NALF1: variants seen among roughly 807,000 people sequenced by gnomAD.
NALF1 encodes the protein NALCN channel auxiliary factor 1, also known as family with sequence similarity 155 member A.
In NALF1, 3 loss-of-function variants were observed where a neutral mutation model predicts 48.4. The ratio of observed to expected loss-of-function variants is 0.06; its 90% CI spans 0.03 to 0.16. The LOEUF (loss-of-function observed/expected upper bound fraction) is 0.16, where lower values mean the gene tolerates loss of function less well. Ranked by LOEUF, NALF1 falls within the 10% of genes least tolerant of loss-of-function variation. The probability of loss-of-function intolerance (pLI) is 1.00; values close to 1 mark genes in which losing one functional copy is unlikely to be tolerated. For synonymous variants in NALF1, 262 were observed against 245.7 expected, an observed-to-expected ratio of 1.07 and a Z score of -0.62; for missense variants, 526 against 571.5, an observed-to-expected ratio of 0.92 and a Z score of 0.81.
At chr13:107,593,629 CTG>C (rs1463591762) in intron 1 of NALF1, among the ~76,000 whole-genome samples, 2 of 151,990 alleles carry the variant, frequency 1.3e-5, no homozygotes, top group Non-Finnish European at 2.9e-5. Context: ...AATTCCAACA[CTG>C]AGATCCTAGG....
At chr13:107,457,985 C>T (rs906391825) in intron 1 of NALF1, among the ~76,000 whole-genome samples, 5 of 151,640 alleles carry the variant, frequency 3.3e-5, no homozygotes, top group African/African-American at 1.2e-4. Flanking sequence ...ACAAACACTC[C>T]ACAGCCTGAT....
intron 1 of NALF1, among the ~76,000 whole-genome samples, chr13:107,554,876 A>G (rs1394860130): frequency 6.6e-6 from 1 of 152,112 alleles, no homozygotes; most frequent in African/African-American, 2.4e-5. Flanking sequence ...CTTGCAGGGT[A>G]TAACTCCAGA....
At chr13:107,664,977 A>C (rs1006347661) in intron 1 of NALF1, among the ~76,000 whole-genome samples, 11 of 29,570 alleles carry the variant, frequency 3.7e-4, no homozygotes, top group African/African-American at 3.5e-3. Flanking sequence ...AAAGTGAAAC[A>C]AAAAAAAAAT....
At chr13:107,311,090 T>A (rs1349280800) in intron 1 of NALF1, among the ~76,000 whole-genome samples, 1 of 152,188 alleles carries the variant, frequency 6.6e-6, no homozygotes, top group Non-Finnish European at 1.5e-5. Context: ...TAAGTGACGT[T>A]ATAACACATT....
rs1477160598 is a variant in NALF1, at chr13:107,420,393, TTA to T, written c.916-209640_916-209639del. Among the ~76,000 whole-genome samples, 6 of 152,290 alleles carry T rather than the reference TTA, an allele frequency of 3.9e-5. No homozygotes were observed. The East Asian group carries it at 1.2e-3, about 29-fold the overall frequency. ...GGAAAATAAACTAATAAAATAATAA[TTA>T]TGTTAATTGTATAAAGGAAAAACAA... On this transcript the variant is annotated intron_variant, in intron 1 of 2. Coordinates refer to ENST00000375915, the MANE Select transcript of NALF1 (RefSeq NM_001080396.3).
intron 1 of NALF1, among the ~76,000 whole-genome samples, chr13:107,212,862 TTCTAAAG>T: frequency 1.3e-5 from 2 of 152,276 alleles, no homozygotes; most frequent in South Asian, 4.1e-4. Flanking sequence ...ATTTCTGGGA[TTCTAAAG>T]TCTAGAGTTG....
chr13:107,664,576 A>G (rs889862516), intron 1 of NALF1, among the ~76,000 whole-genome samples: 2 of 152,156 alleles, frequency 1.3e-5, no homozygotes, highest in East Asian at 1.9e-4. Flanking sequence ...ACTTCAGTCT[A>G]TGAACCTCTG....
rs147599288 is a variant in NALF1, at chr13:107,336,675, C to G, written c.916-125920G>C. ...GGATCTGAATGTTAATTTCATGTAA[C>G]ATAAAATTGTAAGTAAAGCCCATTT... On this transcript the variant is annotated intron_variant, in intron 1 of 2. Transcript: ENST00000375915. Among the ~76,000 whole-genome samples, 504 of 152,182 alleles carry G rather than the reference C, an allele frequency of 3.3e-3. 7 individuals carry two copies. The highest frequency in any genetic ancestry group is 0.012 in the African/African-American group (491 of 41,512).
At chr13:107,716,950 C>A (rs1463079092) in intron 1 of NALF1, among the ~76,000 whole-genome samples, 1 of 152,134 alleles carries the variant, frequency 6.6e-6, no homozygotes, top group Non-Finnish European at 1.5e-5. Context: ...CTTGGAAAAA[C>A]CAAAATCACT....
At chr13:107,847,792 A>G (rs1880211376) in intron 1 of NALF1, among the ~76,000 whole-genome samples, 1 of 152,184 alleles carries the variant, frequency 6.6e-6, no homozygotes, top group African/African-American at 2.4e-5. Context: ...GGACACAGCT[A>G]AGCTGCGTCC....
At chr13:107,380,050 TC>T (rs1202904937) in intron 1 of NALF1, among the ~76,000 whole-genome samples, 5 of 152,186 alleles carry the variant, frequency 3.3e-5, no homozygotes, top group Non-Finnish European at 5.9e-5. Context: ...CAAGAAGTTT[TC>T]CTTAATGGGC....
intron 1 of NALF1, among the ~76,000 whole-genome samples, chr13:107,430,328 T>C (rs1188086276): frequency 2.0e-5 from 3 of 152,094 alleles, no homozygotes; most frequent in Non-Finnish European, 2.9e-5. Flanking sequence ...TTAGCGTACA[T>C]GTGCACAACA....
At chr13:107,394,240 T>C (rs1883673060) in intron 1 of NALF1, among the ~76,000 whole-genome samples, 2 of 152,194 alleles carry the variant, frequency 1.3e-5, no homozygotes, top group Non-Finnish European at 2.9e-5. Context: ...ACTAGTTCAG[T>C]AACTTATTAA....
At chr13:107,259,184 C>G (rs1880880616) in intron 1 of NALF1, among the ~76,000 whole-genome samples, 1 of 152,160 alleles carries the variant, frequency 6.6e-6, no homozygotes, top group Admixed American at 6.5e-5. Flanking sequence ...CCCTTTTCCT[C>G]CATAAGCTGA....
intron 1 of NALF1, among the ~76,000 whole-genome samples, chr13:107,660,976 C>T (rs1209905256): frequency 6.6e-6 from 1 of 152,044 alleles, no homozygotes; most frequent in Non-Finnish European, 1.5e-5. Context: ...TTGCAAATAT[C>T]AAAGGATTAC....
intron 1 of NALF1, among the ~76,000 whole-genome samples, chr13:107,490,403 T>C (rs1024992881): frequency 6.6e-6 from 1 of 152,176 alleles, no homozygotes; most frequent in Non-Finnish European, 1.5e-5. Flanking sequence ...CAAGATGATG[T>C]TTTTTGCAGG....
In NALF1 at chr13:107,673,581, A is replaced by G. The variant is rs55946426; in HGVS notation, c.915+192101T>C. 7.8e-3 allele frequency among the ~76,000 whole-genome samples: 1,192 copies of G among 152,312 alleles called. 14 individuals are homozygous for G. Among genetic ancestry groups the G allele is most frequent in the African/African-American group, 0.026 (1,066 of 41,570 alleles). ...GAAGAGCTTTGTTAAAGGATGCGCA[A>G]CTGCAGCTAGATACAAGGAATTGGT... On this transcript the variant is annotated intron_variant, in intron 1 of 2. Coordinates refer to ENST00000375915, the MANE Select transcript of NALF1 (RefSeq NM_001080396.3).
chr13:107,450,693 G>A (rs954875748), intron 1 of NALF1, among the ~76,000 whole-genome samples: 5 of 152,134 alleles, frequency 3.3e-5, no homozygotes, highest in Admixed American at 6.5e-5. Flanking sequence ...GTCTGTGGCC[G>A]GAACTGGTTT....
At chr13:107,830,049 C>T (rs1174946143) in intron 1 of NALF1, among the ~76,000 whole-genome samples, 2 of 152,132 alleles carry the variant, frequency 1.3e-5, no homozygotes, top group African/African-American at 2.4e-5. Context: ...CCCAAGAGTG[C>T]CATTATTACA....
Sources: allele counts gnomAD v4.1 joint callset (sites outside exome capture counted in the v4.1 genomes callset), GRCh38; gene constraint gnomAD v4.1.1; transcripts MANE v1.5; gene names NCBI Gene and HGNC (gene_info 2026-07-23, HGNC 2026-07-21).